Variants in GLCCI1 observed in about 807,000 individuals in gnomAD.
The protein encoded by GLCCI1 is glucocorticoid-induced transcript 1 protein.
In GLCCI1, 24 loss-of-function variants were observed where a neutral mutation model predicts 52.2. That is an observed-to-expected ratio of 0.46 (90% CI 0.33 to 0.65). The LOEUF is 0.65. Ranked by LOEUF, GLCCI1 falls within the 30% of genes least tolerant of loss-of-function variation. The pLI, the probability that GLCCI1 is intolerant of heterozygous loss-of-function variation, is 0.02. For synonymous variants in GLCCI1, 310 were observed against 276.5 expected (o/e 1.12, Z -1.20); for missense variants, 704 against 701.5 (o/e 1.00, Z -0.04).
intron 1 of GLCCI1, among the ~76,000 whole-genome samples, chr7:7,993,213 G>T (rs1254360515): frequency 1.3e-5 from 2 of 151,862 alleles, no homozygotes; most frequent in Non-Finnish European, 2.9e-5. Context: ...TTTAAATAGG[G>T]TGGATAGTTC....
intron 3 of GLCCI1, among the ~76,000 whole-genome samples, chr7:8,026,592 G>T (rs1781626972): frequency 6.6e-6 from 1 of 152,256 alleles, no homozygotes; most frequent in Non-Finnish European, 1.5e-5. Context: ...CAGTTGTGCG[G>T]AGCACAGAAT....
intron 5 of GLCCI1, among the ~76,000 whole-genome samples, chr7:8,066,118 A>G (rs746193305): frequency 1.3e-5 from 2 of 152,092 alleles, no homozygotes; most frequent in Non-Finnish European, 2.9e-5. Context: ...TTCCTGGTTC[A>G]GTCTTGGGAG....
At chr7:8,061,918 C>T (rs1306297597) in intron 5 of GLCCI1, among the ~76,000 whole-genome samples, 3 of 152,012 alleles carry the variant, frequency 2.0e-5, no homozygotes, top group Admixed American at 6.6e-5. Context: ...CCGCCCACCT[C>T]GGCCTCCCAA....
intron 1 of GLCCI1, among the ~76,000 whole-genome samples, chr7:7,971,072 T>C (rs939365464): frequency 1.3e-5 from 2 of 152,226 alleles, no homozygotes; most frequent in African/African-American, 4.8e-5. Flanking sequence ...AACGCACTTG[T>C]TTTCTGACCA....
At chr7:7,979,457 G>C (rs548126453) in intron 1 of GLCCI1, among the ~76,000 whole-genome samples, 1 of 150,406 alleles carries the variant, frequency 6.6e-6, no homozygotes, top group Non-Finnish European at 1.5e-5. Context: ...AGCTTTTTCT[G>C]GTGTTCTGTT....
intron 2 of GLCCI1, among the ~76,000 whole-genome samples, chr7:8,010,264 A>T (rs929994588): frequency 1.3e-5 from 2 of 152,230 alleles, no homozygotes; most frequent in Non-Finnish European, 2.9e-5. Flanking sequence ...CAGTCTTAAC[A>T]AGAGAAACCA....
chr7:8,086,560 C>T lies in GLCCI1; in HGVS notation c.*22C>T, dbSNP rs762780522. On this transcript the variant is annotated 3_prime_UTR_variant, in exon 8 of 8. Transcript: ENST00000223145. The surrounding 1 kb of genome is among the most constrained non-coding windows in gnomAD (Gnocchi z 4.4). Reference sequence around the variant, plus strand: ...CTAAAAAAGGGGGAGCTGGCCTCCACCCTATGTTCCATGGATTCGGAACAA... The same window carrying T: ...CTAAAAAAGGGGGAGCTGGCCTCCATCCTATGTTCCATGGATTCGGAACAA... 1.3e-6 allele frequency: 2 copies of T among 1,540,122 alleles called. No individual in the cohort carries two copies. The highest frequency in any genetic ancestry group is 1.7e-6 in the Non-Finnish European group (2 of 1,144,200).
intron 6 of GLCCI1, 28 bp downstream of exon 6, chr7:8,071,159 G>T: frequency 6.4e-7 from 1 of 1,567,448 alleles, no homozygotes; most frequent in Non-Finnish European, 8.8e-7. Flanking sequence ...CACTTAGAGG[G>T]TTTGTTATGG....
chr7:7,981,029 AG>A (rs1768864522), intron 1 of GLCCI1: 2 of 499,268 alleles, frequency 4.0e-6, no homozygotes, highest in Non-Finnish European at 3.8e-6. Flanking sequence ...GAAGAAATAA[AG>A]GCAGAAAAAG....
Position 7,995,906 on chromosome 7 carries a change from AAAT to A in GLCCI1, c.458-7999_458-7997del, listed in dbSNP as rs775424858. ...CCTAGAACTTAAAGTATAATAAAAA[AAAT>A]AAAATAAATTTTAAGTTCAATTAAA... On this transcript the variant is annotated intron_variant, in intron 1 of 7. Coordinates refer to ENST00000223145, the MANE Select transcript of GLCCI1 (RefSeq NM_138426.4). Among the ~76,000 whole-genome samples the A allele has an allele frequency of 1.4e-3, 207 of 152,326 alleles. 1 individual carries two copies. In the Middle Eastern group the frequency reaches 0.017, roughly 13 times the overall value.
At chr7:8,012,457 T>TTTTTTTTTTTTTTTC (rs1221442312) in intron 2 of GLCCI1, among the ~76,000 whole-genome samples, 1 of 93,940 alleles carries the variant, frequency 1.1e-5, no homozygotes, top group Non-Finnish European at 2.1e-5. Flanking sequence ...TTTTTTTTTT[T>TTTTTTTTTTTTTTTC]TTTTTGAGAT....
intron 2 of GLCCI1, among the ~76,000 whole-genome samples, chr7:8,012,014 A>G (rs1254961812): frequency 1.3e-5 from 2 of 151,738 alleles, no homozygotes; most frequent in African/African-American, 4.8e-5. Flanking sequence ...ACGGGGTTTC[A>G]CTGTGTTAGC....
intron 1 of GLCCI1, among the ~76,000 whole-genome samples, chr7:7,978,721 T>C (rs1780549565): frequency 6.6e-6 from 1 of 152,182 alleles, no homozygotes; most frequent in Admixed American, 6.5e-5. Flanking sequence ...TCTAGTTAAA[T>C]ATATCAGTTG....
intron 1 of GLCCI1, among the ~76,000 whole-genome samples, chr7:7,973,025 A>G (rs564831402): frequency 3.9e-5 from 6 of 152,170 alleles, no homozygotes; most frequent in East Asian, 1.9e-4. Flanking sequence ...TACTTCTGCC[A>G]TTAGTAAAAT....
intron 5 of GLCCI1, among the ~76,000 whole-genome samples, chr7:8,067,659 C>T (rs1391978507): frequency 2.0e-5 from 3 of 151,878 alleles, no homozygotes; most frequent in Non-Finnish European, 4.4e-5. Context: ...AGCCACTTCT[C>T]GCTTGGAATA....
intron 1 of GLCCI1, among the ~76,000 whole-genome samples, chr7:7,988,698 A>G (rs1218581533): frequency 2.0e-5 from 3 of 152,136 alleles, no homozygotes; most frequent in East Asian, 3.8e-4. Context: ...ATGCAATGAG[A>G]GTCACTTTAA....
chr7:7,980,154 C>A (rs1780582130), intron 1 of GLCCI1, among the ~76,000 whole-genome samples: 1 of 152,154 alleles, frequency 6.6e-6, no homozygotes, highest in African/African-American at 2.4e-5. Context: ...CTTGGCCTCC[C>A]AAAATGCTGG....
intron 4 of GLCCI1, among the ~76,000 whole-genome samples, chr7:8,058,513 C>T (rs1478908957): frequency 2.0e-5 from 3 of 152,120 alleles, no homozygotes; most frequent in East Asian, 1.9e-4. Flanking sequence ...TTAAGTGGCA[C>T]TCTGCCTAGG....
intron 3 of GLCCI1, among the ~76,000 whole-genome samples, chr7:8,023,042 G>A (rs1182577384): frequency 6.6e-6 from 1 of 152,210 alleles, no homozygotes; most frequent in African/African-American, 2.4e-5. Flanking sequence ...TTGAGACGGA[G>A]TCTCGCTCTG....
Sources: gnomAD v4.1 joint callset for allele counts (sites outside exome capture counted in the v4.1 genomes callset) on GRCh38, gnomAD v4.1.1 for gene constraint, Gnocchi (gnomAD v3.1) non-coding constraint, MANE v1.5 for transcripts, NCBI Gene and HGNC (gene_info 2026-07-23, HGNC 2026-07-21) for gene names.